SPATS2: variants seen among roughly 807,000 people sequenced by gnomAD.
SPATS2 encodes spermatogenesis-associated serine-rich protein 2.
SPATS2 carries 38 observed loss-of-function variants against 63.7 expected under a neutral mutation model. That is an observed-to-expected ratio of 0.60 (90% CI 0.46 to 0.78). The LOEUF (loss-of-function observed/expected upper bound fraction) is 0.78, where lower values mean the gene tolerates loss of function less well. Among genes scored for constraint, SPATS2 ranks in the 30% least tolerant of loss-of-function variants. SPATS2 has a pLI of 0.00. For synonymous variants in SPATS2, 207 were observed against 232.9 expected (o/e 0.89, Z 1.01); for missense variants, 588 against 666.2 (o/e 0.88, Z 1.29).
chr12:49,397,776 G>A (rs1159301712), intron 2 of SPATS2, among the ~76,000 whole-genome samples: 1 of 148,814 alleles, frequency 6.7e-6, no homozygotes, highest in Non-Finnish European at 1.5e-5. Flanking sequence ...GCTGCAGTGA[G>A]CTATGATGGT....
Position 49,401,802 on chromosome 12 carries a change from ATTC to A in SPATS2, c.-244+30517_-244+30519del, listed in dbSNP as rs765554918. ...AACCTCCGCCTCCCAGACTCAAGCG[ATTC>A]TTCTGCCTCAGCCTCCTGAGTAGCT... On this transcript the variant is annotated intron_variant, in intron 2 of 13. Coordinates refer to ENST00000552918, the MANE Select transcript of SPATS2 (RefSeq NM_023071.4). Among the ~76,000 whole-genome samples the A allele has an allele frequency of 6.9e-4, 105 of 152,096 alleles. No individual in the cohort carries two copies. In the East Asian group the frequency reaches 9.5e-3, roughly 14 times the overall value.
At chr12:49,499,966 T>C (rs1300365250) in intron 8 of SPATS2, 104 bp from the exon 9 acceptor site, 1 of 911,158 alleles carries the variant, frequency 1.1e-6, no homozygotes. Context: ...TAGGAAAGAT[T>C]CTTAGTCTAC....
chr12:49,408,622 CT>C (rs1214485147), intron 2 of SPATS2, among the ~76,000 whole-genome samples: 8 of 117,080 alleles, frequency 6.8e-5, no homozygotes, highest in Admixed American at 2.6e-4. Context: ...GTGGTGCAAT[CT>C]TGGCTCACTG....
At chr12:49,387,593 C>T (rs1395847045) in intron 2 of SPATS2, among the ~76,000 whole-genome samples, 6 of 146,804 alleles carry the variant, frequency 4.1e-5, no homozygotes, top group Admixed American at 1.4e-4. Context: ...GCTGAGATCA[C>T]GCCACTGCAC....
At chr12:49,499,941 G>A (rs796626428) in intron 8 of SPATS2, 129 bp from the exon 9 acceptor site, 3 of 639,844 alleles carry the variant, frequency 4.7e-6, no homozygotes, top group Admixed American at 4.4e-5. Context: ...TTTCTCATTG[G>A]GGAAGGTGGT....
intron 2 of SPATS2, among the ~76,000 whole-genome samples, chr12:49,389,228 A>G (rs1051518121): frequency 3.3e-5 from 5 of 152,144 alleles, no homozygotes; most frequent in Non-Finnish European, 5.9e-5. Context: ...GCCCTGCCCC[A>G]CCGTAACGCG....
intron 3 of SPATS2, among the ~76,000 whole-genome samples, chr12:49,468,798 G>A (rs143747303): frequency 3.9e-5 from 6 of 152,178 alleles, no homozygotes; most frequent in Non-Finnish European, 5.9e-5. Context: ...TTCTTGCTAC[G>A]TAATTTTGCT....
At chr12:49,409,978 G>T (rs1221164042) in intron 2 of SPATS2, among the ~76,000 whole-genome samples, 1 of 152,118 alleles carries the variant, frequency 6.6e-6, no homozygotes, top group African/African-American at 2.4e-5. Context: ...TCTTGTTGGA[G>T]TATATACTGT....
chr12:49,394,467 A>T (rs1003252789), intron 2 of SPATS2, among the ~76,000 whole-genome samples: 4 of 152,112 alleles, frequency 2.6e-5, no homozygotes, highest in African/African-American at 9.7e-5. Context: ...ACAACATTGA[A>T]TCTTCTAACC....
chr12:49,504,282 A>G (rs1025936665), intron 9 of SPATS2, among the ~76,000 whole-genome samples: 1 of 152,218 alleles, frequency 6.6e-6, no homozygotes, highest in Admixed American at 6.5e-5. Flanking sequence ...ACACCTATAG[A>G]AAGGTAAACT....
chr12:49,403,444 A>G (rs2137310856), intron 2 of SPATS2, among the ~76,000 whole-genome samples: 1 of 152,188 alleles, frequency 6.6e-6, no homozygotes, highest in African/African-American at 2.4e-5. Flanking sequence ...CCTGGACAAC[A>G]TGGTGAAATC....
At chr12:49,407,251 C>T (rs1478185976) in intron 2 of SPATS2, among the ~76,000 whole-genome samples, 1 of 152,052 alleles carries the variant, frequency 6.6e-6, no homozygotes, top group African/African-American at 2.4e-5. Context: ...TCTTTCTGTC[C>T]TTGTCTTTGT....
chr12:49,416,416 G>A (rs1477223221), intron 2 of SPATS2, among the ~76,000 whole-genome samples: 4 of 152,106 alleles, frequency 2.6e-5, no homozygotes, highest in African/African-American at 9.7e-5. Context: ...TATCTTATAT[G>A]GTGACTTGGA....
At chr12:49,433,524 C>T (rs376353331) in intron 2 of SPATS2, among the ~76,000 whole-genome samples, 25 of 152,292 alleles carry the variant, frequency 1.6e-4, no homozygotes, top group African/African-American at 5.8e-4. Flanking sequence ...TTTTGATTTG[C>T]ATTTCTCTAA....
chr12:49,367,308 T>TCCGGGGCGGGGCGAGCCGCTG (rs1943914499), upstream of SPATS2: 16 of 374,624 alleles, frequency 4.3e-5, 1 homozygote, highest in East Asian at 2.7e-4. Context: ...CCGAGAGGGC[T>TCCGGGGCGGGGCGAGCCGCTG]CCGGGGCGGG....
At chr12:49,395,374 A>G (rs1442955516) in intron 2 of SPATS2, among the ~76,000 whole-genome samples, 1 of 151,390 alleles carries the variant, frequency 6.6e-6, no homozygotes, top group African/African-American at 2.4e-5. Flanking sequence ...CAGTGAAAGT[A>G]AATATCTTTG....
chr12:49,370,821 C>T (rs182342927), intron 1 of SPATS2, among the ~76,000 whole-genome samples: 4 of 152,224 alleles, frequency 2.6e-5, no homozygotes, highest in East Asian at 3.9e-4. Flanking sequence ...CTCACTCTGT[C>T]GCCCAGGCTG....
At position 49,394,210 on chromosome 12, in the gene SPATS2, C is replaced by T. The variant is rs1005605146; in HGVS notation, c.-244+22920C>T. 4.6e-5 allele frequency among the ~76,000 whole-genome samples: 7 copies of T among 151,942 alleles called. 1 individual carries two copies. ...AAAATTAGCCGGGCTTCATGGTGCA[C>T]ACCTGCAGTCGCGGCTACTTGGGAG... is the stretch of plus-strand genomic sequence containing the variant. On this transcript the variant is annotated intron_variant, in intron 2 of 13. Transcript: ENST00000552918.
chr12:49,418,234 C>T (rs1408416791), intron 2 of SPATS2, among the ~76,000 whole-genome samples: 2 of 151,594 alleles, frequency 1.3e-5, no homozygotes, highest in African/African-American at 4.9e-5. Flanking sequence ...CCTGCCTCAG[C>T]CTCCTGAGTA....
Sources: allele counts gnomAD v4.1 joint callset (sites outside exome capture counted in the v4.1 genomes callset), GRCh38; gene constraint gnomAD v4.1.1; transcripts MANE v1.5; gene names NCBI Gene and HGNC (gene_info 2026-07-23, HGNC 2026-07-21).